DNAJC10: variants seen among roughly 807,000 people sequenced by gnomAD.
The protein encoded by DNAJC10 is endoplasmic reticulum disulfide reductase DNAJC10.
Under a neutral mutation model 115.0 loss-of-function variants are expected in DNAJC10, and 101 were observed. The ratio of observed to expected loss-of-function variants is 0.88; its 90% CI spans 0.75 to 1.04. The LOEUF is 1.04. Among genes scored for constraint, DNAJC10 ranks in the 50% least tolerant of loss-of-function variants. The pLI, the probability that DNAJC10 is intolerant of heterozygous loss-of-function variation, is 0.00. For synonymous variants in DNAJC10, 307 were observed against 301.5 expected, an observed-to-expected ratio of 1.02 and a Z score of -0.19; for missense variants, 981 against 928.8, an observed-to-expected ratio of 1.06 and a Z score of -0.73.
chr2:182,740,503 G>C, intron 12 of DNAJC10, 115 bp downstream of exon 12: 5 of 1,001,172 alleles, frequency 5.0e-6, no homozygotes, highest in Non-Finnish European at 5.6e-6. Context: ...GAAAGTAGCA[G>C]TTTCAAAGGA....
At chr2:182,744,723 T>C (rs1693818871) in intron 14 of DNAJC10, among the ~76,000 whole-genome samples, 1 of 152,058 alleles carries the variant, frequency 6.6e-6, no homozygotes, top group South Asian at 2.1e-4. Context: ...AAATGGAGAC[T>C]CAGAAAGGTT....
chr2:182,751,696 G>A lies in DNAJC10; in HGVS notation c.1345G>A (p.Glu449Lys). 2 of 1,613,976 alleles carry A rather than the reference G, an allele frequency of 1.2e-6. No homozygotes were observed. The highest frequency in any genetic ancestry group is 8.5e-7 in the Non-Finnish European group (1 of 1,179,908). ...ILYDILAFAK[E>K]SVNSHVTTLG... The stretch of plus-strand genomic sequence containing the variant: ...ATATGATATACTTGCCTTTGCCAAA[G>A]AAAGTGTGAATTCTCATGTTACCAC... Residue 449 changes from glutamate (E) to lysine (K), a missense_variant, in exon 15 of 24, where the codon GAA (glutamate) becomes AAA (lysine). Transcript: ENST00000264065.
intron 14 of DNAJC10, among the ~76,000 whole-genome samples, chr2:182,746,052 A>G (rs1693857014): frequency 6.6e-6 from 1 of 152,120 alleles, no homozygotes. Flanking sequence ...CCATGTCCCT[A>G]CAAAGGACAT....
Position 182,753,579 on chromosome 2 carries a change from G to T in DNAJC10, c.1551+1391G>T, listed in dbSNP as rs372503791. Among the ~76,000 whole-genome samples, 86 of 99,362 alleles carry T rather than the reference G, an allele frequency of 8.7e-4. 1 individual carries two copies. Among genetic ancestry groups the T allele is most frequent in the East Asian group, 1.2e-3 (4 of 3,352 alleles). The allele number at this position is 99,362 out of a possible 152,430, so 65.2% of individuals were successfully genotyped here. A position where few individuals can be genotyped will look rare whatever the true frequency, so the allele number is the denominator to read the frequency against. Reference sequence around the variant, plus strand: ...TCTTAATTTTAATTTCTTTAGTTTAGTTTTTTTTTTTTTTTTTTTTTGAGA... The same window carrying T: ...TCTTAATTTTAATTTCTTTAGTTTATTTTTTTTTTTTTTTTTTTTTTGAGA... On this transcript the variant is annotated intron_variant, in intron 16 of 23. Transcript: ENST00000264065.
intron 14 of DNAJC10, among the ~76,000 whole-genome samples, chr2:182,745,602 G>A (rs149655784): frequency 6.6e-6 from 1 of 151,916 alleles, no homozygotes; most frequent in African/African-American, 2.4e-5. Flanking sequence ...CTGAGGAATA[G>A]GAAAAAATGT....
In DNAJC10 at chr2:182,751,761, A is replaced by G. The variant is rs764288717; in HGVS notation, c.1410A>G (p.Pro470=). 13 of 1,613,746 alleles carry G rather than the reference A, an allele frequency of 8.1e-6. No homozygotes were observed. The highest frequency in any genetic ancestry group is 1.1e-5 in the South Asian group (1 of 90,932). The change falls in exon 15 of 24, where the codon CCA becomes CCG. Residue 470 remains proline (P), a synonymous_variant. Transcript: ENST00000264065. ...ATTTTCCTGCCAATGACAAAGAACC[A>G]TGGCTTGTTGATTTCTTTGCCCCCG... ...PQNFPANDKE[P]WLVDFFAPWC...
In DNAJC10 at chr2:182,749,311, C is replaced by G. The variant is rs1056814150; in HGVS notation, c.1307-2347C>G. ...AGTCTAAGTCTCTTTGTAGGTCACTCAGGACTTGCTTTATGAATCTGGGTG... is the reference window on the plus strand; with the variant it reads ...AGTCTAAGTCTCTTTGTAGGTCACTGAGGACTTGCTTTATGAATCTGGGTG... On this transcript the variant is annotated intron_variant, in intron 14 of 23. Transcript: ENST00000264065. 2.2e-5 allele frequency among the ~76,000 whole-genome samples: 3 copies of G among 138,770 alleles called. 1 individual carries two copies. Among genetic ancestry groups the G allele is most frequent in the Non-Finnish European group, 4.6e-5 (3 of 64,584 alleles). 91.0% of individuals were successfully genotyped at this position (138,770 alleles called of 152,430 possible). A position where few individuals can be genotyped will look rare whatever the true frequency, so the allele number is the denominator to read the frequency against.
chr2:182,729,273 C>T (rs1337965826), intron 7 of DNAJC10, among the ~76,000 whole-genome samples: 2 of 152,050 alleles, frequency 1.3e-5, no homozygotes, highest in African/African-American at 2.4e-5. Context: ...CTCAGCCTCC[C>T]GAGTAGCTGG....
At chr2:182,750,307 A>G (rs1056529255) in intron 14 of DNAJC10, among the ~76,000 whole-genome samples, 6 of 152,208 alleles carry the variant, frequency 3.9e-5, no homozygotes, top group African/African-American at 1.4e-4. Flanking sequence ...GTTATTGCAG[A>G]AGGCCAGACT....
chr2:182,720,044 A>G lies in DNAJC10; in HGVS notation c.242A>G (p.Asn81Ser), dbSNP rs763602266. Residue 81 changes from asparagine (N) to serine (S), a missense_variant, in exon 4 of 24, where the codon AAT (asparagine) becomes AGT (serine). Physicochemically the swap from Asn to Ser is conservative, Grantham distance 46. Coordinates refer to ENST00000264065, the MANE Select transcript of DNAJC10 (RefSeq NM_018981.4). ...GCACATGGCGATTTTTTAAAAATAA[A>G]TAGAGCATATGAAGTACTCAAAGAT... Reference protein sequence around the residue: ...PNAHGDFLKINRAYEVLKDED... With the variant: ...PNAHGDFLKISRAYEVLKDED... 1.3e-6 allele frequency: 2 copies of G among 1,587,582 alleles called. No homozygotes were observed. Among genetic ancestry groups the G allele is most frequent in the Non-Finnish European group, 1.7e-6 (2 of 1,160,128 alleles).
chr2:182,765,814 G>C (rs1694397071), intron 22 of DNAJC10, among the ~76,000 whole-genome samples: 1 of 152,226 alleles, frequency 6.6e-6, no homozygotes, highest in Non-Finnish European at 1.5e-5. Flanking sequence ...TGTGTTGTAT[G>C]TGCTAAAGTT....
chr2:182,784,331 A>C lies in DNAJC10; in HGVS notation c.*7199A>C, dbSNP rs1397831820. On this transcript the variant is annotated 3_prime_UTR_variant, in exon 24 of 24. Coordinates refer to ENST00000264065, the MANE Select transcript of DNAJC10 (RefSeq NM_018981.4). ...GGAGTAAGACCCTGTCTAAAAAAAA[A>C]CAAAACAACAAAAAAAATCATTTTG... 1 of 152,140 alleles carries C rather than the reference A, an allele frequency of 6.6e-6. No individual in the cohort carries two copies. Among genetic ancestry groups the C allele is most frequent in the Non-Finnish European group, 1.5e-5 (1 of 68,040 alleles). 9.4% of individuals were successfully genotyped at this position (152,140 alleles called of 1,614,324 possible).
At chr2:182,749,804 T>G (rs549583034) in intron 14 of DNAJC10, among the ~76,000 whole-genome samples, 3 of 152,194 alleles carry the variant, frequency 2.0e-5, no homozygotes, top group Admixed American at 6.5e-5. Context: ...AATTCACAGT[T>G]TTTCGTGGTC....
rs141961638 is a variant in DNAJC10, at chr2:182,777,481, C to T, written c.*349C>T. 2.0e-3 allele frequency: 318 copies of T among 162,672 alleles called. 2 individuals are homozygous for T. The highest frequency in any genetic ancestry group is 7.3e-3 in the African/African-American group (309 of 42,140). 10.1% of individuals were successfully genotyped at this position (162,672 alleles called of 1,614,324 possible). On this transcript the variant is annotated 3_prime_UTR_variant, in exon 24 of 24. Transcript: ENST00000264065. Reference sequence around the variant, plus strand: ...CATACAAAAGTAGGCTGGATTCAGTCCATGGACCATAGATTGCTGTCCCCC... The same window carrying T: ...CATACAAAAGTAGGCTGGATTCAGTTCATGGACCATAGATTGCTGTCCCCC...
In DNAJC10 at chr2:182,731,058, T is replaced by C; in HGVS notation, c.756T>C (p.Ala252=). ...ATTTTGTCAACTCCATACAAACTGC[T>C]TTTGCTGCTGGTATTGGCTGGCTGA... is the stretch of plus-strand genomic sequence containing the variant. ...TGNFVNSIQT[A]FAAGIGWLIT... The change falls in exon 9 of 24, where the codon GCT becomes GCC. Residue 252 remains alanine (A), a synonymous_variant. Transcript: ENST00000264065. 1 of 1,613,072 alleles carries C rather than the reference T, an allele frequency of 6.2e-7. No individual in the cohort carries two copies. The highest frequency in any genetic ancestry group is 2.2e-5 in the East Asian group (1 of 44,794).
In DNAJC10 at chr2:182,785,895, T is replaced by C. The variant is rs1694937632; in HGVS notation, c.*8763T>C. 3 of 152,168 alleles carry C rather than the reference T, an allele frequency of 2.0e-5. No homozygotes were observed. Among genetic ancestry groups the C allele is most frequent in the Admixed American group, 1.3e-4 (2 of 15,278 alleles). 9.4% of individuals were successfully genotyped at this position (152,168 alleles called of 1,614,324 possible). On this transcript the variant is annotated 3_prime_UTR_variant, in exon 24 of 24. Coordinates refer to ENST00000264065, the MANE Select transcript of DNAJC10 (RefSeq NM_018981.4). The stretch of plus-strand genomic sequence containing the variant: ...TTGCAGGGGATGTTGTTGCATATTC[T>C]AATGACTTTTTTTAATAATGAAAAT...
At chr2:182,762,892 C>G (rs190830) in intron 22 of DNAJC10, 91 bp downstream of exon 22, 873,840 of 1,370,260 alleles carry the variant, frequency 0.64, 282,107 homozygotes, top group African/African-American at 0.81. Flanking sequence ...TCTGTTTTCT[C>G]ATCCTTGTCA....
intron 21 of DNAJC10, among the ~76,000 whole-genome samples, chr2:182,761,032 T>G (rs1374511916): frequency 6.6e-6 from 1 of 152,106 alleles, no homozygotes; most frequent in Admixed American, 6.6e-5. Flanking sequence ...TCAACAAATT[T>G]TAAGTACCAA....
Position 182,717,008 on chromosome 2 carries a change from T to G in DNAJC10, c.-203-8T>G, listed in dbSNP as rs573004211. ...TTGTTAATCTCTACATCATTATATT[T>G]TTCAAAGGTATATTTTTGTGGAATG... On this transcript the variant is annotated splice_polypyrimidine_tract_variant and splice_region_variant and intron_variant, in intron 1 of 23. Coordinates refer to ENST00000264065, the MANE Select transcript of DNAJC10 (RefSeq NM_018981.4). 63 of 152,358 alleles carry G rather than the reference T, an allele frequency of 4.1e-4. No individual in the cohort carries two copies. Among genetic ancestry groups the G allele is most frequent in the African/African-American group, 1.5e-3 (61 of 41,590 alleles). 9.4% of individuals were successfully genotyped at this position (152,358 alleles called of 1,614,324 possible).
Sources: allele counts gnomAD v4.1 joint callset (sites outside exome capture counted in the v4.1 genomes callset), GRCh38; gene constraint gnomAD v4.1.1; transcripts MANE v1.5; gene names NCBI Gene and HGNC (gene_info 2026-07-23, HGNC 2026-07-21).